Variants in SYNDIG1L observed in about 807,000 individuals in gnomAD.
The protein encoded by SYNDIG1L is synapse differentiation inducing 1 like, also known as synapse differentiation-inducing gene protein 1-like.
Under a neutral mutation model 20.1 loss-of-function variants are expected in SYNDIG1L, and 13 were observed. That is an observed-to-expected ratio of 0.65 (90% CI 0.42 to 1.03). The LOEUF is 1.03. Among genes scored for constraint, SYNDIG1L ranks in the 50% least tolerant of loss-of-function variants. SYNDIG1L has a pLI of 0.00. For synonymous variants in SYNDIG1L, 128 were observed against 129.3 expected, an observed-to-expected ratio of 0.99 and a Z score of 0.07; for missense variants, 294 against 305.1, an observed-to-expected ratio of 0.96 and a Z score of 0.27.
upstream of SYNDIG1L, among the ~76,000 whole-genome samples, chr14:74,427,189 G>A (rs1461414858): frequency 6.8e-6 from 1 of 146,088 alleles, no homozygotes; most frequent in Non-Finnish European, 1.5e-5. Context: ...TATTCTTCGA[G>A]CGCCTTCACA....
the SYNDIG1L span, among the ~76,000 whole-genome samples, chr14:74,450,765 T>C: frequency 6.6e-6 from 1 of 152,152 alleles, no homozygotes; most frequent in Admixed American, 6.5e-5. Flanking sequence ...ACATGCCATA[T>C]AAAGAACTCT....
At chr14:74,454,397 GCCAGGTCT>G in the SYNDIG1L span, among the ~76,000 whole-genome samples, 1 of 152,172 alleles carries the variant, frequency 6.6e-6, no homozygotes, top group Non-Finnish European at 1.5e-5. Context: ...AAGGAGAACT[GCCAGGTCT>G]GTCCCGCAGA....
the SYNDIG1L span, among the ~76,000 whole-genome samples, chr14:74,478,880 C>G: frequency 6.6e-6 from 1 of 152,056 alleles, no homozygotes; most frequent in African/African-American, 2.4e-5. Flanking sequence ...TCTTCACAGC[C>G]CTATTATTAT....
the SYNDIG1L span, among the ~76,000 whole-genome samples, chr14:74,436,693 A>C: frequency 2.0e-5 from 3 of 152,114 alleles, no homozygotes; most frequent in South Asian, 6.2e-4. Flanking sequence ...TACTAAAAAT[A>C]CAAAAAATTA....
At position 74,407,346 on chromosome 14, in the gene SYNDIG1L, G is replaced by A. The variant is rs2086091261; in HGVS notation, c.*189C>T. ...AGTGGCGCCCCGGGCCCTGCTCTGG[G>A]GCTGGGAGCAGCGGGCAAGCAGAAG... On this transcript the variant is annotated 3_prime_UTR_variant, in exon 4 of 4. Coordinates refer to ENST00000331628, the MANE Select transcript of SYNDIG1L (RefSeq NM_001105579.2). 1.2e-6 allele frequency: 1 copy of A among 818,762 alleles called. No individual in the cohort carries two copies. The highest frequency in any genetic ancestry group is 1.9e-6 in the Non-Finnish European group (1 of 534,112). The allele number at this position is 818,762 out of a possible 1,614,324, so 50.7% of individuals were successfully genotyped here. A position where few individuals can be genotyped will look rare whatever the true frequency, so the allele number is the denominator to read the frequency against.
At chr14:74,436,110 T>A in the SYNDIG1L span, among the ~76,000 whole-genome samples, 3 of 152,176 alleles carry the variant, frequency 2.0e-5, no homozygotes, top group East Asian at 3.9e-4. Flanking sequence ...ACGGGATGAT[T>A]TTAGCTGTGG....
the SYNDIG1L span, among the ~76,000 whole-genome samples, chr14:74,441,244 C>T: frequency 7.2e-5 from 11 of 152,286 alleles, no homozygotes; most frequent in East Asian, 2.1e-3. Context: ...ATCCAGGGAT[C>T]TCTTGCTCTC....
the SYNDIG1L span, chr14:74,476,343 C>T: frequency 1.5e-6 from 1 of 676,028 alleles, no homozygotes; most frequent in Non-Finnish European, 2.7e-6. Context: ...CCTTCTTGGC[C>T]TTACCCACTG....
intron 1 of SYNDIG1L, among the ~76,000 whole-genome samples, chr14:74,425,687 A>G (rs894137295): frequency 1.3e-5 from 2 of 151,996 alleles, no homozygotes; most frequent in African/African-American, 4.8e-5. Flanking sequence ...TGATGTTGTG[A>G]GGTTATGGTG....
chr14:74,477,040 A>G, the SYNDIG1L span, among the ~76,000 whole-genome samples: 26 of 6,922 alleles, frequency 3.8e-3, no homozygotes, highest in African/African-American at 0.016. Context: ...CCCATTCCCA[A>G]CACACACACA....
intron 1 of SYNDIG1L, among the ~76,000 whole-genome samples, chr14:74,417,247 C>T (rs2086184229): frequency 6.6e-6 from 1 of 152,166 alleles, no homozygotes; most frequent in African/African-American, 2.4e-5. Flanking sequence ...GGATGGGAGA[C>T]CAGAGGTCCT....
chr14:74,442,631 A>C, the SYNDIG1L span, among the ~76,000 whole-genome samples: 4 of 152,370 alleles, frequency 2.6e-5, no homozygotes, highest in African/African-American at 9.6e-5. Flanking sequence ...CTTTTAGAAG[A>C]GATCTCTAGC....
the SYNDIG1L span, among the ~76,000 whole-genome samples, chr14:74,462,548 C>T: frequency 8.6e-5 from 13 of 151,518 alleles, 1 homozygote; most frequent in South Asian, 4.2e-4. Context: ...GTTAAATGCC[C>T]GGGCTGGAGT....
At chr14:74,410,371 G>A (rs1318027358) in intron 1 of SYNDIG1L, among the ~76,000 whole-genome samples, 1 of 152,224 alleles carries the variant, frequency 6.6e-6, no homozygotes, top group Admixed American at 6.5e-5. Flanking sequence ...AGGCCCCGTG[G>A]TTGGATACAG....
At chr14:74,423,813 G>T (rs1044354521) in intron 1 of SYNDIG1L, among the ~76,000 whole-genome samples, 7 of 151,996 alleles carry the variant, frequency 4.6e-5, no homozygotes, top group African/African-American at 1.7e-4. Flanking sequence ...CAGGGTCCCT[G>T]GTAGGAGATG....
chr14:74,463,794 G>T, the SYNDIG1L span, among the ~76,000 whole-genome samples: 1 of 152,208 alleles, frequency 6.6e-6, no homozygotes. Flanking sequence ...TGACAGAAAT[G>T]ACAGATCCAG....
the SYNDIG1L span, chr14:74,476,236 G>T: frequency 1.7e-6 from 1 of 595,200 alleles, no homozygotes; most frequent in Non-Finnish European, 3.0e-6. Context: ...GCTGAGAACA[G>T]TCTGCTGCTG....
the SYNDIG1L span, among the ~76,000 whole-genome samples, chr14:74,431,644 T>C: frequency 3.3e-5 from 5 of 152,118 alleles, no homozygotes; most frequent in Non-Finnish European, 7.3e-5. Context: ...AAGCTGATTT[T>C]TTCCCCCACT....
the SYNDIG1L span, among the ~76,000 whole-genome samples, chr14:74,451,984 TAAA>T: frequency 6.4e-4 from 42 of 65,276 alleles, no homozygotes; most frequent in African/African-American, 2.3e-3. Flanking sequence ...AGACTTTGTC[TAAA>T]AAAAAAAAAA....
Sources: gnomAD v4.1 joint callset for allele counts (sites outside exome capture counted in the v4.1 genomes callset) on GRCh38, gnomAD v4.1.1 for gene constraint, MANE v1.5 for transcripts, NCBI Gene and HGNC (gene_info 2026-07-23, HGNC 2026-07-21) for gene names.